Variants in PUS7L observed in about 807,000 individuals in gnomAD.
PUS7L encodes pseudouridylate synthase PUS7L.
In PUS7L, 49 loss-of-function variants were observed where a neutral mutation model predicts 51.1. The observed-to-expected ratio is 0.96, with a 90% CI of 0.76 to 1.22. The LOEUF is 1.22. PUS7L is among the 50% of genes most tolerant of loss of function. The pLI is 0.00. For synonymous variants in PUS7L, 277 were observed against 276.2 expected (o/e 1.00, Z -0.03); for missense variants, 828 against 820.6 (o/e 1.01, Z -0.11).
intron 2 of PUS7L, 145 bp from the exon 3 acceptor site, chr12:43,748,754 T>A: frequency 2.8e-6 from 2 of 703,488 alleles, no homozygotes; most frequent in Non-Finnish European, 4.5e-6. Context: ...TGATGGAGTG[T>A]CACTCTGTCA....
chr12:43,736,468 T>A lies in PUS7L; in HGVS notation c.1638A>T (p.Arg546Ser). Reference protein sequence around the residue: ...SKIWNEAVSYRLETYGARVVQ... With the variant: ...SKIWNEAVSYSLETYGARVVQ... ...CTACTCTTGCTCCATAGGTTTCAAG[T>A]CTGTAAGATACTGCCTCATTCCAAA... The change falls in exon 7 of 9, where the codon AGA (arginine) becomes AGT (serine). Residue 546 changes from arginine (R) to serine (S), a missense_variant. Coordinates refer to ENST00000344862, the MANE Select transcript of PUS7L (RefSeq NM_031292.5). The A allele has an allele frequency of 6.2e-7, 1 of 1,614,202 alleles. No homozygotes were observed. Among genetic ancestry groups the A allele is most frequent in the Non-Finnish European group, 8.5e-7 (1 of 1,180,018 alleles).
chr12:43,758,299 A>G, intron 1 of PUS7L: 5 of 985,388 alleles, frequency 5.1e-6, no homozygotes, highest in Middle Eastern at 5.2e-4. Flanking sequence ...GAGGACAGCA[A>G]AGGAGCCCAC....
In PUS7L at chr12:43,724,431, G is replaced by A. The variant is rs1392300894; in HGVS notation, c.*5945C>T. 1 of 152,018 alleles carries A rather than the reference G, an allele frequency of 6.6e-6. No homozygotes were observed. The highest frequency in any genetic ancestry group is 1.5e-5 in the Non-Finnish European group (1 of 67,940). The allele number at this position is 152,018 out of a possible 1,614,324, so 9.4% of individuals were successfully genotyped here. A position where few individuals can be genotyped will look rare whatever the true frequency, so the allele number is the denominator to read the frequency against. On this transcript the variant is annotated 3_prime_UTR_variant, in exon 9 of 9. Coordinates refer to ENST00000344862, the MANE Select transcript of PUS7L (RefSeq NM_031292.5). ...GGAGCATAGTAAAGTAATACTAACTGTAATAATACTAGCTGAAATTTACTG... is the reference window on the plus strand; with the variant it reads ...GGAGCATAGTAAAGTAATACTAACTATAATAATACTAGCTGAAATTTACTG...
At chr12:43,758,572 C>G in intron 1 of PUS7L, 158 bp downstream of exon 1, 1 of 985,202 alleles carries the variant, frequency 1.0e-6, no homozygotes, top group Non-Finnish European at 1.2e-6. Flanking sequence ...TCCTCTTACT[C>G]TGCCTGTCCA....
In PUS7L at chr12:43,724,360, C is replaced by T. The variant is rs1944430022; in HGVS notation, c.*6016G>A. 6.6e-6 allele frequency: 1 copy of T among 151,080 alleles called. No homozygotes were observed. The highest frequency in any genetic ancestry group is 2.4e-5 in the African/African-American group (1 of 41,190). The allele number at this position is 151,080 out of a possible 1,614,324, so 9.4% of individuals were successfully genotyped here. On this transcript the variant is annotated 3_prime_UTR_variant, in exon 9 of 9. Coordinates refer to ENST00000344862, the MANE Select transcript of PUS7L (RefSeq NM_031292.5). ...TATGCTAAAACTAAGTCAGATCAGA[C>T]CTCAATGGAAAGTCATTAACCATTT...
chr12:43,732,013 A>G (rs887870569), intron 7 of PUS7L, among the ~76,000 whole-genome samples: 5 of 152,210 alleles, frequency 3.3e-5, no homozygotes, highest in Admixed American at 3.3e-4. Context: ...CTCTGAGGCA[A>G]TACTTTCACC....
chr12:43,732,031 C>T (rs1203591828), intron 7 of PUS7L, among the ~76,000 whole-genome samples: 2 of 152,192 alleles, frequency 1.3e-5, no homozygotes, highest in Non-Finnish European at 2.9e-5. Flanking sequence ...ACCTCAATCA[C>T]CAGCAATCTT....
intron 7 of PUS7L, 72 bp from the exon 8 acceptor site, chr12:43,731,830 T>C: frequency 1.2e-6 from 1 of 848,998 alleles, no homozygotes; most frequent in Non-Finnish European, 2.0e-6. Flanking sequence ...CAATTTTCCC[T>C]AACTCTATTA....
chr12:43,733,625 T>C lies in PUS7L; in HGVS notation c.1726-1867A>G, dbSNP rs1368918676. On this transcript the variant is annotated intron_variant, in intron 7 of 8. Transcript: ENST00000344862. ...CAAAAATTGTTGTATCTTGTGAAAG[T>C]AATCTTTAACTTCCAAAAATCTGAA... 3.9e-5 allele frequency among the ~76,000 whole-genome samples: 6 copies of C among 152,340 alleles called. No individual in the cohort carries two copies. The South Asian group carries it at 1.2e-3, about 32-fold the overall frequency.
chr12:43,754,765 ATTCAGGAGGTAGT>A lies in PUS7L; in HGVS notation c.468_480del (p.Leu157SerfsTer3). Reference sequence around the variant, plus strand: ...TTGTCAAGGATTCTGCCTATTGAGAATTCAGGAGGTAGTCCAATTAGCTCTGTTTTAGAAAGCC... The same window carrying A: ...TTGTCAAGGATTCTGCCTATTGAGAACCAATTAGCTCTGTTTTAGAAAGCC... On this transcript the variant is annotated frameshift_variant, in exon 2 of 9. Coordinates refer to ENST00000344862, the MANE Select transcript of PUS7L (RefSeq NM_031292.5). LOFTEE classifies it high-confidence loss of function. 5 of 1,614,038 alleles carry A rather than the reference ATTCAGGAGGTAGT, an allele frequency of 3.1e-6. No individual in the cohort carries two copies. Among genetic ancestry groups the A allele is most frequent in the Non-Finnish European group, 4.2e-6 (5 of 1,179,922 alleles).
intron 1 of PUS7L, 57 bp downstream of exon 1, chr12:43,758,661 CCCCCCACACACA>C: frequency 1.9e-5 from 14 of 753,564 alleles, no homozygotes; most frequent in South Asian, 7.1e-5. Flanking sequence ...GTCACCCCCC[CCCCCCACACACA>C]CACACACACA....
At chr12:43,743,362 C>T (rs921123052) in intron 4 of PUS7L, among the ~76,000 whole-genome samples, 3 of 152,190 alleles carry the variant, frequency 2.0e-5, no homozygotes, top group Admixed American at 1.3e-4. Context: ...ATTCAGTCAA[C>T]AATTATTATT....
rs1156713559 is a variant in PUS7L, at chr12:43,727,502, C to T, written c.*2874G>A. The T allele has an allele frequency of 2.0e-5, 3 of 152,038 alleles. No homozygotes were observed. The East Asian group carries it at 5.8e-4, about 29-fold the overall frequency. The allele number at this position is 152,038 out of a possible 1,614,324, so 9.4% of individuals were successfully genotyped here. A position where few individuals can be genotyped will look rare whatever the true frequency, so the allele number is the denominator to read the frequency against. On this transcript the variant is annotated 3_prime_UTR_variant, in exon 9 of 9. Coordinates refer to ENST00000344862, the MANE Select transcript of PUS7L (RefSeq NM_031292.5). Reference sequence around the variant, plus strand: ...TGTATACCAGATAATACTACACAGTCATAAAAAAGAACAAAATAATGTCTT... The same window carrying T: ...TGTATACCAGATAATACTACACAGTTATAAAAAAGAACAAAATAATGTCTT...
rs750969548 is a variant in PUS7L at position 43,755,182 on chromosome 12, C to G, written c.64G>C (p.Gly22Arg). 2.5e-6 allele frequency: 4 copies of G among 1,611,484 alleles called. No individual in the cohort carries two copies. The South Asian group carries it at 3.3e-5, about 13-fold the overall frequency. Residue 22 changes from glycine to arginine, a missense_variant, in exon 2 of 9, where the codon GGA becomes CGA. Coordinates refer to ENST00000344862, the MANE Select transcript of PUS7L (RefSeq NM_031292.5). ...SSLCFFNDHV[G>R]FHGTIKSSPS... ...GAGCTTTTTATAGTGCCATGAAATCCAACGTGATCATTAAAGAAACACAAA... is the reference window on the plus strand; with the variant it reads ...GAGCTTTTTATAGTGCCATGAAATCGAACGTGATCATTAAAGAAACACAAA...
intron 7 of PUS7L, among the ~76,000 whole-genome samples, chr12:43,734,177 G>A (rs1461846641): frequency 1.3e-5 from 2 of 152,186 alleles, no homozygotes; most frequent in Non-Finnish European, 2.9e-5. Flanking sequence ...ATCCAGGCCA[G>A]GCCATTCCTA....
intron 1 of PUS7L, 78 bp downstream of exon 1, chr12:43,758,652 T>TGGGGGGGGGGGC: frequency 4.2e-6 from 3 of 708,234 alleles, no homozygotes; most frequent in Non-Finnish European, 4.7e-6. Flanking sequence ...GCCAACCTCG[T>TGGGGGGGGGGGC]CACCCCCCCC....
chr12:43,730,927 C>G (rs1212863060), intron 8 of PUS7L, among the ~76,000 whole-genome samples: 1 of 151,994 alleles, frequency 6.6e-6, no homozygotes, highest in African/African-American at 2.4e-5. Context: ...CTAAGGTAAC[C>G]AACTCAAATC....
chr12:43,757,269 C>T (rs946439722), intron 1 of PUS7L, among the ~76,000 whole-genome samples: 2 of 152,178 alleles, frequency 1.3e-5, no homozygotes, highest in Non-Finnish European at 2.9e-5. Context: ...CTCCCGAGTT[C>T]GAGCGATTCT....
chr12:43,749,906 G>A (rs1437008805), intron 2 of PUS7L, among the ~76,000 whole-genome samples: 1 of 152,136 alleles, frequency 6.6e-6, no homozygotes, highest in East Asian at 1.9e-4. Context: ...GTAGGAGGGA[G>A]GAAGGGCATA....
Sources: allele counts gnomAD v4.1 joint callset (sites outside exome capture counted in the v4.1 genomes callset), GRCh38; gene constraint gnomAD v4.1.1; transcripts MANE v1.5; gene names NCBI Gene and HGNC (gene_info 2026-07-23, HGNC 2026-07-21).